The following PRMT3 variants were observed in gnomAD, a reference collection of about 807,000 sequenced individuals.
PRMT3 encodes protein arginine methyltransferase 3, also known as protein arginine N-methyltransferase 3.
In PRMT3, 62 loss-of-function variants were observed where a neutral mutation model predicts 71.9. The observed-to-expected ratio is 0.86, with a 90% CI of 0.70 to 1.07. The LOEUF is 1.07. PRMT3 is among the 50% of genes least tolerant of loss of function. The probability of loss-of-function intolerance (pLI) is 0.00; values close to 1 mark genes in which losing one functional copy is unlikely to be tolerated. For synonymous variants in PRMT3, 213 were observed against 220.4 expected (o/e 0.97, Z 0.30); for missense variants, 663 against 643.0 (o/e 1.03, Z -0.34).
rs936214333 is a variant in PRMT3, at chr11:20,494,345, T to G, written c.1486+91T>G. 10 of 1,137,088 alleles carry G rather than the reference T, an allele frequency of 8.8e-6. No individual in the cohort carries two copies. The African/African-American group carries it at 1.1e-4, about 12-fold the overall frequency. 70.4% of individuals were successfully genotyped at this position (1,137,088 alleles called of 1,614,324 possible). On this transcript the variant is annotated intron_variant, in intron 15 of 15. Transcript: ENST00000331079. ...ACAGCCACTTTTTATGTGCACACTA[T>G]ATTTGTTTTTTGAGACGGAGTCTCG...
At chr11:20,455,939 A>G (rs1850258909) in intron 11 of PRMT3, among the ~76,000 whole-genome samples, 1 of 152,148 alleles carries the variant, frequency 6.6e-6, no homozygotes, top group South Asian at 2.1e-4. Context: ...GTCAAATGCT[A>G]AAAATACTAA....
At chr11:20,395,697 C>T (rs974816901) in intron 5 of PRMT3, 106 bp from the exon 6 acceptor site, 1 of 1,078,176 alleles carries the variant, frequency 9.3e-7, no homozygotes, top group Non-Finnish European at 1.3e-6. Context: ...TAATCTTTCT[C>T]AATTGGCCAC....
chr11:20,488,571 C>T (rs1231006990), intron 13 of PRMT3, among the ~76,000 whole-genome samples: 2 of 152,156 alleles, frequency 1.3e-5, no homozygotes, highest in Non-Finnish European at 2.9e-5. Context: ...TGGCCAGCTG[C>T]CTAATTGTAT....
intron 15 of PRMT3, among the ~76,000 whole-genome samples, chr11:20,505,673 T>C (rs1037674972): frequency 4.6e-5 from 7 of 152,174 alleles, no homozygotes; most frequent in Admixed American, 3.9e-4. Flanking sequence ...AAGAAGCAAA[T>C]AAAATAGCCA....
Position 20,392,990 on chromosome 11 carries a change from C to A in PRMT3, c.391C>A (p.Leu131Ile), listed in dbSNP as rs1049717071. 6.3e-7 allele frequency: 1 copy of A among 1,589,458 alleles called. No homozygotes were observed. Among genetic ancestry groups the A allele is most frequent in the East Asian group, 2.2e-5 (1 of 44,696 alleles). Residue 131 changes from leucine (L) to isoleucine (I), a missense_variant, in exon 5 of 16, where the codon CTT (leucine) becomes ATT (isoleucine). Physicochemically the swap from Leu to Ile is conservative, Grantham distance 5. Coordinates refer to ENST00000331079, the MANE Select transcript of PRMT3 (RefSeq NM_005788.4). Reference sequence around the variant, plus strand: ...GCCAGTATTAGAAGATGACCTTTTACTTCAATTTGGTAAGATGAACATAAG... The same window carrying A: ...GCCAGTATTAGAAGATGACCTTTTAATTCAATTTGGTAAGATGAACATAAG... ...LKPVLEDDLL[L>I]QFDVEDLYEP...
intron 7 of PRMT3, among the ~76,000 whole-genome samples, chr11:20,400,966 T>G (rs571404873): frequency 1.1e-5 from 1 of 95,078 alleles, no homozygotes; most frequent in South Asian, 4.8e-4. Flanking sequence ...TTTTCGTATT[T>G]ATTGGATTTT....
intron 13 of PRMT3, among the ~76,000 whole-genome samples, chr11:20,471,880 G>T (rs2133417265): frequency 6.6e-6 from 1 of 152,218 alleles, no homozygotes; most frequent in Middle Eastern, 3.4e-3. Context: ...TTTTCTTTGA[G>T]CAGTGGTTTG....
intron 15 of PRMT3, among the ~76,000 whole-genome samples, chr11:20,504,707 T>TGTGTGTGAGAGAGAGAGAGA (rs1332372470): frequency 1.5e-5 from 2 of 133,590 alleles, no homozygotes; most frequent in Admixed American, 1.5e-4. Context: ...TGTGTGTGTG[T>TGTGTGTGAGAGAGAGAGAGA]GAGAGAGAGA....
At chr11:20,484,686 CT>C (rs1851028874) in intron 13 of PRMT3, among the ~76,000 whole-genome samples, 1 of 152,174 alleles carries the variant, frequency 6.6e-6, no homozygotes, top group Non-Finnish European at 1.5e-5. Context: ...AAACCTCTTT[CT>C]TTTGTAAATT....
At chr11:20,461,294 C>A (rs536112814) in intron 11 of PRMT3, among the ~76,000 whole-genome samples, 4 of 152,288 alleles carry the variant, frequency 2.6e-5, no homozygotes, top group South Asian at 2.1e-4. Context: ...TCCCTTCTCC[C>A]CTGCTCCAGC....
intron 10 of PRMT3, among the ~76,000 whole-genome samples, chr11:20,440,502 A>AAAAAAAAAAAAG: frequency 6.6e-6 from 1 of 151,120 alleles, no homozygotes; most frequent in Non-Finnish European, 1.5e-5. Context: ...AAAAAAAAAA[A>AAAAAAAAAAAAG]AAAAAAAAGA....
At chr11:20,423,769 TTA>T in intron 9 of PRMT3, among the ~76,000 whole-genome samples, 1 of 151,496 alleles carries the variant, frequency 6.6e-6, no homozygotes, top group Admixed American at 6.6e-5. Flanking sequence ...TTAATGCTTT[TTA>T]TCAGTTCCAA....
chr11:20,396,210 T>C (rs969251735), intron 6 of PRMT3, among the ~76,000 whole-genome samples: 2 of 152,242 alleles, frequency 1.3e-5, no homozygotes, highest in Non-Finnish European at 2.9e-5. Context: ...TTTTGTTCTT[T>C]ATTGCCTTCC....
At chr11:20,502,486 C>T (rs1329175209) in intron 15 of PRMT3, among the ~76,000 whole-genome samples, 2 of 152,170 alleles carry the variant, frequency 1.3e-5, no homozygotes, top group East Asian at 1.9e-4. Flanking sequence ...ATATATATGA[C>T]ATTATGTTAA....
Position 20,388,040 on chromosome 11 carries a change from A to G in PRMT3, c.50A>G (p.Asn17Ser), listed in dbSNP as rs1848635198. Residue 17 changes from asparagine to serine, a missense_variant, in exon 2 of 16, where the codon AAT becomes AGT. Physicochemically the swap from Asn to Ser is conservative, Grantham distance 46. Transcript: ENST00000331079. ...TTAGGCGGCCGGGGCGCTGTGGAGA[A>G]TGAGGAGGACCTGCCAGAACTGTCG... ...GATGGRGAVE[N>S]EEDLPELSDS... The G allele has an allele frequency of 6.2e-7, 1 of 1,613,840 alleles. No homozygotes were observed. The highest frequency in any genetic ancestry group is 1.3e-5 in the African/African-American group (1 of 74,924).
chr11:20,404,371 C>G (rs1249097877), intron 8 of PRMT3, among the ~76,000 whole-genome samples: 2 of 151,250 alleles, frequency 1.3e-5, no homozygotes, highest in African/African-American at 4.9e-5. Flanking sequence ...GTAGCTGGGA[C>G]TACAGGCACG....
At chr11:20,426,992 C>T in intron 10 of PRMT3, 127 bp downstream of exon 10, 1 of 1,302,178 alleles carries the variant, frequency 7.7e-7, no homozygotes, top group Non-Finnish European at 1.0e-6. Flanking sequence ...TAAGTAGCTA[C>T]ATTAGATACT....
chr11:20,493,795 GAGTT>G (rs1851267092), intron 13 of PRMT3, 120 bp from the exon 14 acceptor site: 2 of 636,388 alleles, frequency 3.1e-6, no homozygotes, highest in Non-Finnish European at 5.3e-6. Flanking sequence ...GAAAAATATT[GAGTT>G]TAAGAGGTAT....
chr11:20,464,765 A>G (rs1361064035), intron 13 of PRMT3, among the ~76,000 whole-genome samples: 2 of 152,228 alleles, frequency 1.3e-5, no homozygotes, highest in Admixed American at 6.5e-5. Context: ...CCCTGTTTAC[A>G]TAATGATTTT....
Sources: allele counts gnomAD v4.1 joint callset (sites outside exome capture counted in the v4.1 genomes callset), GRCh38; gene constraint gnomAD v4.1.1; transcripts MANE v1.5; gene names NCBI Gene and HGNC (gene_info 2026-07-23, HGNC 2026-07-21).